The following MGAM2 variants were observed in gnomAD, a reference collection of about 807,000 sequenced individuals.
MGAM2 encodes maltase-glucoamylase 2 (putative).
MGAM2 carries 98 observed loss-of-function variants against 96.1 expected under a neutral mutation model. That is an observed-to-expected ratio of 1.02 (90% CI 0.87 to 1.21). The LOEUF (loss-of-function observed/expected upper bound fraction) is 1.21. Among genes scored for constraint, MGAM2 ranks in the 50% most tolerant of loss-of-function variants. MGAM2 has a pLI of 0.00. For synonymous variants in MGAM2, 749 were observed against 414.8 expected (o/e 1.81, Z -9.79); for missense variants, 2,055 against 1,182.4 (o/e 1.74, Z -10.82).
At chr7:142,210,037 C>T (rs372786306) in intron 46 of MGAM2, among the ~76,000 whole-genome samples, 12 of 152,300 alleles carry the variant, frequency 7.9e-5, no homozygotes, top group African/African-American at 2.9e-4. Context: ...ACTGATTAGA[C>T]AGTGGGTGAA....
chr7:142,129,092 C>G (rs1366399671), intron 3 of MGAM2, among the ~76,000 whole-genome samples: 2 of 152,214 alleles, frequency 1.3e-5, no homozygotes, highest in Non-Finnish European at 2.9e-5. Flanking sequence ...TCAGCATGAC[C>G]TGGATGTGAG....
In MGAM2 at chr7:142,149,831, G is replaced by A. The variant is rs188850601; in HGVS notation, c.1634+2258G>A. On this transcript the variant is annotated intron_variant, in intron 15 of 47. Transcript: ENST00000477922. ...GCTGGGATTACAGGCGTGAGCCACC[G>A]CGCCCGGCCTTACTTGGATGTTTTG... 1.8e-3 allele frequency among the ~76,000 whole-genome samples: 270 copies of A among 151,602 alleles called. 1 individual carries two copies. The highest frequency in any genetic ancestry group is 0.014 in the Middle Eastern group (4 of 290).
chr7:142,198,495 T>C (rs900767139), intron 43 of MGAM2, 120 bp from the exon 44 acceptor site: 7 of 599,280 alleles, frequency 1.2e-5, no homozygotes, highest in African/African-American at 9.3e-5. Context: ...CTCTTTAGGT[T>C]TGCAGTCTTT....
chr7:142,179,198 A>G (rs568910727), intron 32 of MGAM2, among the ~76,000 whole-genome samples: 2 of 152,144 alleles, frequency 1.3e-5, no homozygotes, highest in Middle Eastern at 3.2e-3. Flanking sequence ...ATTTTTGTAC[A>G]TTAATTTTGT....
chr7:142,172,331 C>T lies in MGAM2; in HGVS notation c.3448+137C>T, dbSNP rs1796222913. On this transcript the variant is annotated intron_variant, in intron 29 of 47. Coordinates refer to ENST00000477922, the MANE Select transcript of MGAM2 (RefSeq NM_001293626.2). ...ATAAACTGACTTTCCATTTATTCAC[C>T]TATTTATTCAAGATTTATTAAGAAC... is the stretch of plus-strand genomic sequence containing the variant. The T allele has an allele frequency of 1.8e-5, 10 of 553,730 alleles. No homozygotes were observed. In the East Asian group the frequency reaches 2.8e-4, roughly 16 times the overall value. 34.3% of individuals were successfully genotyped at this position (553,730 alleles called of 1,614,324 possible).
At chr7:142,163,427 A>G (rs549943886) in intron 23 of MGAM2, among the ~76,000 whole-genome samples, 27 of 152,234 alleles carry the variant, frequency 1.8e-4, no homozygotes, top group Admixed American at 1.6e-3. Context: ...GATTACAGGC[A>G]TGCACCACCA....
intron 3 of MGAM2, 45 bp from the exon 4 acceptor site, chr7:142,130,903 C>T: frequency 1.5e-6 from 1 of 684,530 alleles, no homozygotes; most frequent in East Asian, 2.7e-5. Context: ...ATAATACTTT[C>T]CTTCCCTCAG....
intron 12 of MGAM2, among the ~76,000 whole-genome samples, chr7:142,141,918 G>C (rs1795242500): frequency 6.6e-6 from 1 of 152,190 alleles, no homozygotes; most frequent in African/African-American, 2.4e-5. Flanking sequence ...AAATTTCTGA[G>C]AGTACTTTAA....
chr7:142,210,894 G>GGTC (rs1204778593), intron 46 of MGAM2, among the ~76,000 whole-genome samples: 1 of 152,236 alleles, frequency 6.6e-6, no homozygotes, highest in Admixed American at 6.5e-5. Flanking sequence ...TCCTGACAGG[G>GGTC]AGATACCTCC....
chr7:142,152,042 C>T (rs943393913), intron 15 of MGAM2, among the ~76,000 whole-genome samples: 6 of 151,280 alleles, frequency 4.0e-5, no homozygotes, highest in East Asian at 3.9e-4. Context: ...GGCTGAAAGC[C>T]GAAGGAGACT....
intron 20 of MGAM2, among the ~76,000 whole-genome samples, 181 bp downstream of exon 20, chr7:142,159,524 C>T (rs1488480819): frequency 2.0e-5 from 3 of 152,164 alleles, no homozygotes; most frequent in African/African-American, 7.2e-5. Flanking sequence ...AAACACCTTA[C>T]ACTGGGTAAT....
intron 44 of MGAM2, 118 bp from the exon 45 acceptor site, chr7:142,199,762 A>G (rs568902181): frequency 2.1e-5 from 10 of 469,196 alleles, no homozygotes; most frequent in South Asian, 4.6e-5. Context: ...AGAACTTTAT[A>G]TGCATATTTA....
At chr7:142,181,499 G>T (rs1291727026) in intron 32 of MGAM2, among the ~76,000 whole-genome samples, 1 of 152,172 alleles carries the variant, frequency 6.6e-6, no homozygotes, top group Non-Finnish European at 1.5e-5. Context: ...GCTATGGGGT[G>T]GGGGAGATGG....
intron 47 of MGAM2, 111 bp from the exon 48 acceptor site, chr7:142,219,759 T>C: frequency 1.6e-6 from 1 of 607,824 alleles, no homozygotes. Flanking sequence ...ATCCTATTAC[T>C]GGAAAGGAAT....
rs1177312432 is a variant in MGAM2 at position 142,154,781 on chromosome 7, G to T, written c.1859G>T (p.Arg620Ile). ...YNNNVTEELC[R>I]RWMQLGAFYP... is the part of the protein sequence containing the mutation. ...AACAATGTCACAGAGGAGCTCTGCA[G>T]AAGGTGGATGCAGCTTGGAGCATTT... The change falls in exon 17 of 48, where the codon AGA becomes ATA. Residue 620 changes from arginine to isoleucine, a missense_variant. Transcript: ENST00000477922. The T allele has an allele frequency of 1.4e-6, 1 of 703,512 alleles. No individual in the cohort carries two copies. The highest frequency in any genetic ancestry group is 2.7e-5 in the East Asian group (1 of 37,282). The allele number at this position is 703,512 out of a possible 1,614,324, so 43.6% of individuals were successfully genotyped here.
chr7:142,215,301 G>C (rs1423193739), intron 46 of MGAM2, among the ~76,000 whole-genome samples: 3 of 152,016 alleles, frequency 2.0e-5, no homozygotes, highest in Non-Finnish European at 2.9e-5. Flanking sequence ...GGGCCTGTTG[G>C]GGGTGGAGGG....
At chr7:142,167,869 G>A (rs78983411) in intron 26 of MGAM2, among the ~76,000 whole-genome samples, 8,509 of 152,188 alleles carry the variant, frequency 0.056, 343 homozygotes, top group East Asian at 0.15. Context: ...ACTGTGCCTC[G>A]CTGAAACAGC....
Position 142,134,138 on chromosome 7 carries a change from G to A in MGAM2, c.733G>A (p.Ala245Thr), listed in dbSNP as rs377001484. The change falls in exon 7 of 48, where the codon GCT becomes ACT. Residue 245 changes from alanine (A) to threonine (T), a missense_variant. By Grantham distance (58) the Ala-to-Thr change is moderately conservative (BLOSUM62 0). Coordinates refer to ENST00000477922, the MANE Select transcript of MGAM2 (RefSeq NM_001293626.2). ...WKTWPIFTRD[A>T]TPTEGMINLY... The stretch of plus-strand genomic sequence containing the variant: ...GACTTGGCCCATCTTCACCCGGGAC[G>A]CTACCCCCACCGAGGTGAGGTGGCT... 113 of 749,436 alleles carry A rather than the reference G, an allele frequency of 1.5e-4. No individual in the cohort carries two copies. In the African/African-American group the frequency reaches 1.8e-3, roughly 12 times the overall value. 46.4% of individuals were successfully genotyped at this position (749,436 alleles called of 1,614,324 possible). A position where few individuals can be genotyped will look rare whatever the true frequency, so the allele number is the denominator to read the frequency against.
At chr7:142,138,476 A>C (rs1214528811) in intron 9 of MGAM2, 66 bp from the exon 10 acceptor site, 1 of 664,978 alleles carries the variant, frequency 1.5e-6, no homozygotes, top group African/African-American at 1.8e-5. Flanking sequence ...AGCTCTGGGA[A>C]CTTCACAGAA....
Sources: gnomAD v4.1 joint callset for allele counts (sites outside exome capture counted in the v4.1 genomes callset) on GRCh38, gnomAD v4.1.1 for gene constraint, MANE v1.5 for transcripts, NCBI Gene and HGNC (gene_info 2026-07-23, HGNC 2026-07-21) for gene names.